TDRD1: variants seen among roughly 807,000 people sequenced by gnomAD.
TDRD1 encodes tudor domain containing 1.
TDRD1 carries 37 observed loss-of-function variants against 140.6 expected under a neutral mutation model. The observed-to-expected ratio is 0.26, with a 90% CI of 0.20 to 0.35. The LOEUF (loss-of-function observed/expected upper bound fraction) is 0.35. Among genes scored for constraint, TDRD1 ranks in the 10% least tolerant of loss-of-function variants. The pLI, the probability that TDRD1 is intolerant of heterozygous loss-of-function variation, is 1.00. For synonymous variants in TDRD1, 506 were observed against 475.7 expected, an observed-to-expected ratio of 1.06 and a Z score of -0.83; for missense variants, 1,243 against 1,393.0, an observed-to-expected ratio of 0.89 and a Z score of 1.71.
intron 7 of TDRD1, 71 bp from the exon 8 acceptor site, chr10:114,203,317 C>G: frequency 1.3e-6 from 2 of 1,534,372 alleles, no homozygotes; most frequent in South Asian, 2.5e-5. Context: ...GTCTTAGTTA[C>G]AAAGCTTTAA....
chr10:114,204,995 T>C, intron 10 of TDRD1, 102 bp downstream of exon 10: 1 of 1,010,130 alleles, frequency 9.9e-7, no homozygotes, highest in South Asian at 2.2e-5. Flanking sequence ...TAAACTGCCC[T>C]CTGGAGTCAT....
At chr10:114,183,654 C>A (rs2033275375) in intron 1 of TDRD1, among the ~76,000 whole-genome samples, 1 of 148,942 alleles carries the variant, frequency 6.7e-6, no homozygotes, top group Non-Finnish European at 1.5e-5. Context: ...AACTAAGATT[C>A]TGAATGATAG....
At chr10:114,198,933 A>C (rs2034550539) in intron 3 of TDRD1, among the ~76,000 whole-genome samples, 1 of 152,204 alleles carries the variant, frequency 6.6e-6, no homozygotes, top group Admixed American at 6.5e-5. Flanking sequence ...GAAAACCCAG[A>C]CATCTTATTG....
intron 21 of TDRD1, among the ~76,000 whole-genome samples, chr10:114,223,978 G>A (rs1025714255): frequency 6.6e-6 from 1 of 152,120 alleles, no homozygotes. Flanking sequence ...TTGTTTCCTG[G>A]ACGGCACTTC....
chr10:114,195,415 T>C (rs1432333655), intron 3 of TDRD1, among the ~76,000 whole-genome samples: 1 of 152,224 alleles, frequency 6.6e-6, no homozygotes. Flanking sequence ...TGTCAATTGT[T>C]GAGAAGGTAT....
At chr10:114,232,144 T>G (rs2036789210) in exon 26 of TDRD1, 1 of 150,084 alleles carries the variant, frequency 6.7e-6, no homozygotes, top group Non-Finnish European at 1.5e-5. Context: ...TTTTGGCCTT[T>G]GGGCACAGAG....
exon 18 of TDRD1, chr10:114,218,481 T>C (rs779431136): frequency 1.1e-5 from 18 of 1,611,934 alleles, no homozygotes; most frequent in Non-Finnish European, 1.4e-5. Context: ...AAGTACATTT[T>C]GTGGATTATG....
chr10:114,218,375 A>G, intron 17 of TDRD1, 39 bp from the exon 18 acceptor site: 1 of 1,358,590 alleles, frequency 7.4e-7, no homozygotes, highest in Non-Finnish European at 9.7e-7. Context: ...GTCGATAGAA[A>G]GGAAATGTTC....
intron 2 of TDRD1, among the ~76,000 whole-genome samples, chr10:114,189,717 A>C (rs2033816470): frequency 6.6e-6 from 1 of 152,158 alleles, no homozygotes; most frequent in African/African-American, 2.4e-5. Context: ...TCAGCCTCCC[A>C]AAACCCTGGG....
rs764411626 is a variant in TDRD1, at chr10:114,221,473, C to T, written c.2887C>T (p.Pro963Ser). 4.3e-6 allele frequency: 7 copies of T among 1,610,682 alleles called. No homozygotes were observed. In the South Asian group the frequency reaches 6.7e-5, roughly 15 times the overall value. The change falls in exon 20 of 26, where the codon CCA becomes TCA. Residue 963 changes from proline (P) to serine (S), a missense_variant. Pro to Ser is a moderately conservative substitution (Grantham distance 74, BLOSUM62 -1). Transcript: ENST00000251864. ...GTTTTATGCTCTACCAAAAGGGATGCCAGGTAAGAAACCAAAATTTGAGAC... is the reference window on the plus strand; with the variant it reads ...GTTTTATGCTCTACCAAAAGGGATGTCAGGTAAGAAACCAAAATTTGAGAC...
At chr10:114,193,744 C>G (rs1055459022) in intron 3 of TDRD1, among the ~76,000 whole-genome samples, 3 of 152,174 alleles carry the variant, frequency 2.0e-5, no homozygotes, top group Non-Finnish European at 4.4e-5. Flanking sequence ...ACTTTCAACA[C>G]GAGGTTTGAA....
At chr10:114,215,074 GCTTT>G (rs2035728114) in intron 16 of TDRD1, among the ~76,000 whole-genome samples, 4 of 152,184 alleles carry the variant, frequency 2.6e-5, no homozygotes, top group African/African-American at 9.6e-5. Context: ...TAAACATCTT[GCTTT>G]CTAATAGCAT....
intron 11 of TDRD1, among the ~76,000 whole-genome samples, chr10:114,209,659 C>G (rs944423212): frequency 2.0e-5 from 3 of 152,202 alleles, no homozygotes; most frequent in Non-Finnish European, 4.4e-5. Flanking sequence ...GATTGTAACA[C>G]ATTCTGAGAG....
intron 1 of TDRD1, among the ~76,000 whole-genome samples, chr10:114,184,170 AT>A (rs112348745): frequency 0.012 from 1,691 of 146,368 alleles, 22 homozygotes; most frequent in African/African-American, 0.032. Flanking sequence ...TTCAATTTGA[AT>A]TTTTTTTTTT....
chr10:114,228,367 C>T, intron 25 of TDRD1: 1 of 1,243,766 alleles, frequency 8.0e-7, no homozygotes, highest in Non-Finnish European at 1.0e-6. Context: ...AATAGCCTTT[C>T]CTTACTGTTG....
At chr10:114,195,933 C>T (rs940429455) in intron 3 of TDRD1, among the ~76,000 whole-genome samples, 11 of 152,146 alleles carry the variant, frequency 7.2e-5, no homozygotes, top group African/African-American at 1.7e-4. Flanking sequence ...GTTCTACATA[C>T]GGTATCATGT....
intron 25 of TDRD1, among the ~76,000 whole-genome samples, chr10:114,230,813 AGCACTTTTGGGAG>A (rs1205272678): frequency 6.6e-6 from 1 of 152,216 alleles, no homozygotes; most frequent in African/African-American, 2.4e-5. Context: ...CTGTAATCCC[AGCACTTTTGGGAG>A]GCTGAGGAGG....
At chr10:114,203,672 C>G (rs527803008) in intron 8 of TDRD1, 105 bp downstream of exon 8, 1 of 1,012,410 alleles carries the variant, frequency 9.9e-7, no homozygotes, top group Admixed American at 2.7e-5. Flanking sequence ...TAAAGCCAGC[C>G]TCTGATCACG....
At chr10:114,186,697 C>CCCAT (rs1189469534) in intron 1 of TDRD1, among the ~76,000 whole-genome samples, 1 of 152,158 alleles carries the variant, frequency 6.6e-6, no homozygotes, top group Non-Finnish European at 1.5e-5. Flanking sequence ...CAGGATCTCC[C>CCCAT]CCATCGCTGC....
Sources: gnomAD v4.1 joint callset for allele counts (sites outside exome capture counted in the v4.1 genomes callset) on GRCh38, gnomAD v4.1.1 for gene constraint, MANE v1.5 for transcripts, NCBI Gene and HGNC (gene_info 2026-07-23, HGNC 2026-07-21) for gene names.